The following CFAP96 variants were observed in gnomAD, a reference collection of about 807,000 sequenced individuals.
CFAP96 encodes cilia and flagella associated protein 96.
At chr4:185,436,477 C>G in the CFAP96 span, 1 of 671,194 alleles carries the variant, frequency 1.5e-6, no homozygotes. Flanking sequence ...TTGGGGTGGC[C>G]GAGATGGGCG....
chr4:185,413,751 TTAAGG>T, the CFAP96 span: 1 of 1,612,952 alleles, frequency 6.2e-7, no homozygotes, highest in Non-Finnish European at 8.5e-7. Context: ...GTTAGGTGGA[TTAAGG>T]TAAGTATGTG....
the CFAP96 span, among the ~76,000 whole-genome samples, chr4:185,419,351 C>T: frequency 2.6e-5 from 4 of 152,072 alleles, no homozygotes; most frequent in East Asian, 5.8e-4. Context: ...AGGATGGTCT[C>T]GATCTCCTGA....
the CFAP96 span, among the ~76,000 whole-genome samples, chr4:185,420,498 T>C: frequency 6.6e-6 from 1 of 152,046 alleles, no homozygotes; most frequent in African/African-American, 2.4e-5. Context: ...GAAAGAGTAT[T>C]TAAAAAATAA....
the CFAP96 span, chr4:185,445,531 C>T: frequency 1.3e-6 from 2 of 1,568,646 alleles, no homozygotes; most frequent in Non-Finnish European, 1.7e-6. Context: ...CTGTCTTTAA[C>T]TTTGAAATAA....
At chr4:185,429,919 A>C in the CFAP96 span, among the ~76,000 whole-genome samples, 109,584 of 152,090 alleles carry the variant, frequency 0.72, 42,280 homozygotes, top group East Asian at 0.88. Flanking sequence ...GACCCTCCCC[A>C]CTCAGCGTGC....
the CFAP96 span, chr4:185,415,951 T>G: frequency 8.4e-7 from 1 of 1,191,792 alleles, no homozygotes; most frequent in Non-Finnish European, 1.1e-6. Context: ...TTCAAAAATG[T>G]ATTTATTATT....
At chr4:185,411,028 CA>C in the CFAP96 span, among the ~76,000 whole-genome samples, 7 of 145,060 alleles carry the variant, frequency 4.8e-5, no homozygotes, top group African/African-American at 1.8e-4. Flanking sequence ...GACAATAAAT[CA>C]AAGAAAGAGC....
At chr4:185,427,453 A>T in the CFAP96 span, among the ~76,000 whole-genome samples, 141 of 152,292 alleles carry the variant, frequency 9.3e-4, no homozygotes, top group Non-Finnish European at 1.6e-3. Context: ...GCACTCAAAC[A>T]GCTTGCTTTA....
the CFAP96 span, chr4:185,422,640 T>G: frequency 3.0e-5 from 29 of 982,440 alleles, no homozygotes; most frequent in East Asian, 1.0e-4. Context: ...AGAATCTAAG[T>G]TTAGTGTTAA....
chr4:185,436,578 C>T, the CFAP96 span, among the ~76,000 whole-genome samples: 1 of 151,888 alleles, frequency 6.6e-6, no homozygotes, highest in African/African-American at 2.4e-5. Context: ...GGTGTGGTGG[C>T]GGGCACCTGT....
At chr4:185,438,452 G>T in the CFAP96 span, among the ~76,000 whole-genome samples, 1 of 152,082 alleles carries the variant, frequency 6.6e-6, no homozygotes, top group African/African-American at 2.4e-5. Context: ...TGTCTTACCT[G>T]TCTCTACTTA....
At chr4:185,442,955 A>G in the CFAP96 span, among the ~76,000 whole-genome samples, 1 of 152,116 alleles carries the variant, frequency 6.6e-6, no homozygotes, top group Non-Finnish European at 1.5e-5. Context: ...TGCAGGAATA[A>G]TTTGAAGTGT....
At chr4:185,422,415 A>G in the CFAP96 span, 1 of 1,160,838 alleles carries the variant, frequency 8.6e-7, no homozygotes. Flanking sequence ...TTTCATTTGC[A>G]AAGTGGAAAT....
the CFAP96 span, among the ~76,000 whole-genome samples, chr4:185,428,162 A>G: frequency 0.63 from 95,492 of 151,898 alleles, 32,796 homozygotes; most frequent in East Asian, 0.87. Context: ...TTCTTCACTT[A>G]TGTATGCCCA....
the CFAP96 span, chr4:185,425,918 G>A: frequency 6.3e-7 from 1 of 1,575,626 alleles, no homozygotes; most frequent in Non-Finnish European, 8.6e-7. Context: ...CAAAAGTTCC[G>A]GGGGCCGGCC....
the CFAP96 span, chr4:185,432,031 G>T: frequency 1.3e-6 from 2 of 1,551,600 alleles, no homozygotes; most frequent in Non-Finnish European, 8.7e-7. Flanking sequence ...TACCTGGAGG[G>T]TCCAAAGAAA....
chr4:185,427,982 A>T, the CFAP96 span, among the ~76,000 whole-genome samples: 1 of 151,222 alleles, frequency 6.6e-6, no homozygotes, highest in Non-Finnish European at 1.5e-5. Flanking sequence ...GCTACTTGGG[A>T]GGCTGAGGCA....
the CFAP96 span, among the ~76,000 whole-genome samples, chr4:185,434,983 T>C: frequency 1.3e-5 from 2 of 151,876 alleles, no homozygotes; most frequent in East Asian, 1.9e-4. Context: ...TCAGGTGATC[T>C]GCCCACCTCA....
chr4:185,422,821 A>C, the CFAP96 span, among the ~76,000 whole-genome samples: 1 of 152,194 alleles, frequency 6.6e-6, no homozygotes, highest in Non-Finnish European at 1.5e-5. Context: ...CTGTACCCCC[A>C]GAGATTCTGA....
Sources: gnomAD v4.1 joint callset for allele counts (sites outside exome capture counted in the v4.1 genomes callset) on GRCh38, gnomAD v4.1.1 for gene constraint, MANE v1.5 for transcripts, NCBI Gene and HGNC (gene_info 2026-07-23, HGNC 2026-07-21) for gene names.